The following PCGF3 variants were observed in gnomAD, a reference collection of about 807,000 sequenced individuals.
PCGF3 encodes polycomb group ring finger 3.
A neutral mutation model predicts 33.1 loss-of-function variants in PCGF3; 7 were observed. The observed-to-expected ratio is 0.21, with a 90% confidence interval of 0.12 to 0.40. The LOEUF (loss-of-function observed/expected upper bound fraction) is 0.40. PCGF3 is among the 10% of genes least tolerant of loss of function. The probability of loss-of-function intolerance (pLI) is 1.00; values close to 1 mark genes in which losing one functional copy is unlikely to be tolerated. For synonymous variants in PCGF3, 153 were observed against 121.3 expected, an observed-to-expected ratio of 1.26 and a Z score of -1.72; for missense variants, 211 against 313.3, an observed-to-expected ratio of 0.67 and a Z score of 2.46.
intron 6 of PCGF3, among the ~76,000 whole-genome samples, chr4:739,472 G>C (rs879447087): frequency 6.6e-6 from 1 of 152,214 alleles, no homozygotes; most frequent in Admixed American, 6.5e-5. Context: ...GATTACAGGT[G>C]TGAGCCCCCA....
intron 8 of PCGF3, among the ~76,000 whole-genome samples, chr4:747,866 G>A (rs1227382245): frequency 7.4e-6 from 1 of 134,462 alleles, no homozygotes; most frequent in African/African-American, 2.7e-5. Context: ...TCTTCCTCCC[G>A]ACTTCTTCCT....
At chr4:733,905 A>G (rs778856203) in intron 4 of PCGF3, 116 bp downstream of exon 4, 11 of 1,581,930 alleles carry the variant, frequency 7.0e-6, no homozygotes. Context: ...CAAAAGCAGG[A>G]ACCAGGACCA....
intron 9 of PCGF3, chr4:762,549 C>T (rs1577447852): frequency 6.6e-6 from 1 of 152,320 alleles, no homozygotes; most frequent in Non-Finnish European, 1.5e-5. Context: ...AAGGACTGGC[C>T]AGCATGTGTT....
Position 769,669 on chromosome 4 carries a change from A to G in PCGF3, c.*3590A>G, listed in dbSNP as rs1055696904. ...CACCCTCCAGGTGTCCTTCGCACCC[A>G]ACAGTGCGTCTGAGGAACGAGCTGC... On this transcript the variant is annotated 3_prime_UTR_variant, in exon 11 of 11. Coordinates refer to ENST00000362003, the Ensembl canonical transcript of PCGF3. 4.6e-5 allele frequency: 7 copies of G among 151,244 alleles called. No homozygotes were observed. In the East Asian group the frequency reaches 1.3e-3, roughly 29 times the overall value. 9.4% of individuals were successfully genotyped at this position (151,244 alleles called of 1,614,324 possible). A position where few individuals can be genotyped will look rare whatever the true frequency, so the allele number is the denominator to read the frequency against.
intron 1 of PCGF3, among the ~76,000 whole-genome samples, chr4:712,182 T>C (rs1186818280): frequency 3.3e-5 from 5 of 152,140 alleles, no homozygotes; most frequent in Non-Finnish European, 5.9e-5. Flanking sequence ...TGTGAGGCCT[T>C]AAGAAAAACA....
At chr4:760,674 A>G (rs1285225628) in intron 8 of PCGF3, among the ~76,000 whole-genome samples, 2 of 152,114 alleles carry the variant, frequency 1.3e-5, no homozygotes, top group Non-Finnish European at 2.9e-5. Flanking sequence ...CTTGTCAGGC[A>G]CATCTTGGGG....
At chr4:731,186 C>T (rs1743540624) in intron 3 of PCGF3, 76 bp downstream of exon 3, 3 of 398,348 alleles carry the variant, frequency 7.5e-6, no homozygotes, top group Admixed American at 4.4e-5. Context: ...TGGCGAGGGC[C>T]GGCGATCATT....
intron 8 of PCGF3, among the ~76,000 whole-genome samples, chr4:758,518 T>C (rs1319516769): frequency 7.4e-6 from 1 of 135,848 alleles, no homozygotes; most frequent in Non-Finnish European, 1.6e-5. Flanking sequence ...CTCTGGGTCT[T>C]TCTCCCCACG....
At chr4:764,814 G>A (rs1003760859) in intron 9 of PCGF3, 170 bp from the exon 10 acceptor site, 195 of 588,822 alleles carry the variant, frequency 3.3e-4, no homozygotes, top group Non-Finnish European at 5.1e-4. Context: ...CCATCTCTAG[G>A]CTGTGAGGTA....
At position 738,270 on chromosome 4, in the gene PCGF3, C is replaced by T. The variant is rs979665088; in HGVS notation, c.262+749C>T. On this transcript the variant is annotated intron_variant, in intron 6 of 10. Transcript: ENST00000362003. ...TGCCAGATCCGTAGAAACCGTATCTCGCCTTTAATGCGTGACCCAGAGAAT... is the reference window on the plus strand; with the variant it reads ...TGCCAGATCCGTAGAAACCGTATCTTGCCTTTAATGCGTGACCCAGAGAAT... 1.1e-3 allele frequency among the ~76,000 whole-genome samples: 171 copies of T among 152,350 alleles called. 1 individual carries two copies. Among genetic ancestry groups the T allele is most frequent in the Non-Finnish European group, 1.8e-3 (121 of 68,040 alleles).
At chr4:765,963 C>A (rs929996639) in intron 10 of PCGF3, 69 bp from the exon 11 acceptor site, 2 of 1,410,660 alleles carry the variant, frequency 1.4e-6, no homozygotes, top group Non-Finnish European at 2.0e-6. Flanking sequence ...CAGCACCCTT[C>A]CCGATGAAGT....
At chr4:738,620 C>T (rs372320161) in intron 6 of PCGF3, among the ~76,000 whole-genome samples, 214 of 150,788 alleles carry the variant, frequency 1.4e-3, no homozygotes, top group Middle Eastern at 3.4e-3. Flanking sequence ...GAGGCCGAGG[C>T]GGGTGGATCA....
intron 1 of PCGF3, among the ~76,000 whole-genome samples, chr4:713,475 G>C (rs796092385): frequency 4.3e-5 from 6 of 140,736 alleles, no homozygotes; most frequent in African/African-American, 1.6e-4. Flanking sequence ...TGGCCTCATG[G>C]GTCCTGTGTG....
chr4:723,749 C>T (rs1185833849), intron 1 of PCGF3: 1 of 152,694 alleles, frequency 6.5e-6, no homozygotes, highest in Non-Finnish European at 1.5e-5. Flanking sequence ...GCCTGAAGGA[C>T]AGCACAGGGG....
intron 8 of PCGF3, among the ~76,000 whole-genome samples, chr4:758,063 G>A (rs1051773890): frequency 6.6e-6 from 1 of 151,332 alleles, no homozygotes; most frequent in Non-Finnish European, 1.5e-5. Flanking sequence ...AGCTACTCGG[G>A]AGGCTGAGGC....
chr4:760,155 C>T (rs992414627), intron 8 of PCGF3, among the ~76,000 whole-genome samples: 10 of 152,232 alleles, frequency 6.6e-5, no homozygotes, highest in African/African-American at 9.7e-5. Flanking sequence ...TGCACCGTGT[C>T]GGAGTGGGTA....
intron 1 of PCGF3, among the ~76,000 whole-genome samples, chr4:715,810 T>G (rs1425454418): frequency 7.0e-5 from 5 of 71,640 alleles, no homozygotes; most frequent in East Asian, 5.2e-4. Flanking sequence ...AGACACTTAG[T>G]GTGAGAACTG....
chr4:727,813 C>T (rs1325007415), intron 1 of PCGF3, among the ~76,000 whole-genome samples: 1 of 152,220 alleles, frequency 6.6e-6, no homozygotes, highest in Non-Finnish European at 1.5e-5. Flanking sequence ...TTCTTTCCGT[C>T]TGCCATGGTC....
intron 1 of PCGF3, chr4:724,032 G>A (rs572378699): frequency 6.6e-6 from 1 of 152,450 alleles, no homozygotes; most frequent in African/African-American, 2.4e-5. Flanking sequence ...AGGACTGCAA[G>A]CGTCAGGCAC....
Sources: gnomAD v4.1 joint callset for allele counts (sites outside exome capture counted in the v4.1 genomes callset) on GRCh38, gnomAD v4.1.1 for gene constraint, MANE v1.5 for transcripts, NCBI Gene and HGNC (gene_info 2026-07-23, HGNC 2026-07-21) for gene names.